MAP2K4: variants seen among roughly 807,000 people sequenced by gnomAD.
The protein encoded by MAP2K4 is dual specificity mitogen-activated protein kinase kinase 4.
In MAP2K4, 4 loss-of-function variants were observed where a neutral mutation model predicts 48.5. The observed-to-expected ratio is 0.08, with a 90% CI of 0.04 to 0.19. MAP2K4 has a LOEUF of 0.19. Ranked by LOEUF, MAP2K4 falls within the 10% of genes least tolerant of loss-of-function variation. The probability of loss-of-function intolerance (pLI) is 1.00; values close to 1 mark genes in which losing one functional copy is unlikely to be tolerated. For synonymous variants in MAP2K4, 166 were observed against 173.1 expected (o/e 0.96, Z 0.32); for missense variants, 258 against 493.3 (o/e 0.52, Z 4.52).
chr17:12,096,608 G>T (rs1486433589), intron 4 of MAP2K4, among the ~76,000 whole-genome samples: 1 of 152,134 alleles, frequency 6.6e-6, no homozygotes, highest in Non-Finnish European at 1.5e-5. Context: ...GTTATAAACT[G>T]GTAAGAAAAA....
chr17:12,060,228 G>A (rs1970405168), intron 2 of MAP2K4, among the ~76,000 whole-genome samples: 1 of 151,912 alleles, frequency 6.6e-6, no homozygotes, highest in African/African-American at 2.4e-5. Flanking sequence ...TTAGGAGTCT[G>A]GATTTCTATC....
At chr17:12,041,659 A>G (rs1474826724) in intron 1 of MAP2K4, among the ~76,000 whole-genome samples, 1 of 152,238 alleles carries the variant, frequency 6.6e-6, no homozygotes, top group Non-Finnish European at 1.5e-5. Flanking sequence ...TAATGAGGAA[A>G]AAAAAGAAAC....
rs1406688413 is a variant in MAP2K4 at position 12,103,668 on chromosome 17, G to T, written c.514-4122G>T. On this transcript the variant is annotated intron_variant, in intron 4 of 10. Transcript: ENST00000353533. ...CTACCCTGAGTGTTTCCTTTAACTT[G>T]TTTGTTTAGGTCATCCATATGTGCA... Among the ~76,000 whole-genome samples, 3 of 151,780 alleles carry T rather than the reference G, an allele frequency of 2.0e-5. No individual in the cohort carries two copies. The East Asian group carries it at 5.8e-4, about 29-fold the overall frequency.
chr17:12,115,634 G>T, intron 7 of MAP2K4: 1 of 747,328 alleles, frequency 1.3e-6, no homozygotes, highest in Admixed American at 1.8e-5. Context: ...AGCACAATTG[G>T]TGGTTAACGC....
At chr17:12,026,420 C>A (rs777076969) in intron 1 of MAP2K4, among the ~76,000 whole-genome samples, 1 of 152,034 alleles carries the variant, frequency 6.6e-6, no homozygotes, top group Non-Finnish European at 1.5e-5. Flanking sequence ...GCAGATGGCT[C>A]CAATGATACA....
intron 4 of MAP2K4, among the ~76,000 whole-genome samples, chr17:12,101,982 G>C (rs1258403305): frequency 6.6e-6 from 1 of 151,696 alleles, no homozygotes; most frequent in African/African-American, 2.4e-5. Flanking sequence ...TTCCCAATTA[G>C]TTCCTTTATT....
intron 1 of MAP2K4, among the ~76,000 whole-genome samples, chr17:12,047,206 G>A (rs530752464): frequency 6.6e-6 from 1 of 152,016 alleles, no homozygotes; most frequent in African/African-American, 2.4e-5. Flanking sequence ...GCCCGATCCT[G>A]TCAGATGAGG....
At chr17:12,089,345 G>GC (rs537920136) in intron 3 of MAP2K4, among the ~76,000 whole-genome samples, 2 of 152,182 alleles carry the variant, frequency 1.3e-5, no homozygotes, top group Non-Finnish European at 2.9e-5. Flanking sequence ...AAGAGTAAAT[G>GC]CCTTCTGGTA....
intron 2 of MAP2K4, among the ~76,000 whole-genome samples, chr17:12,057,519 G>A (rs1334318807): frequency 1.3e-5 from 2 of 152,066 alleles, no homozygotes; most frequent in Admixed American, 1.3e-4. Context: ...GCCTCAAATT[G>A]CATCATCTTC....
At chr17:12,053,806 C>T (rs918166038) in intron 1 of MAP2K4, among the ~76,000 whole-genome samples, 3 of 151,944 alleles carry the variant, frequency 2.0e-5, no homozygotes, top group Non-Finnish European at 4.4e-5. Context: ...AGTGTGGCTC[C>T]GTCAGATTTT....
intron 2 of MAP2K4, among the ~76,000 whole-genome samples, chr17:12,058,604 T>C (rs1253432632): frequency 6.6e-6 from 1 of 152,248 alleles, no homozygotes. Flanking sequence ...AATCTGTCTT[T>C]ACTGTCAATC....
chr17:12,142,056 G>A lies in MAP2K4; in HGVS notation c.*796G>A, dbSNP rs1235193997. ...TAAGAATTTTTCATTCTCAGAATTCGGTGTGCTGCCAACTTGATGTTCCAC... is the reference window on the plus strand; with the variant it reads ...TAAGAATTTTTCATTCTCAGAATTCAGTGTGCTGCCAACTTGATGTTCCAC... On this transcript the variant is annotated 3_prime_UTR_variant, in exon 11 of 11. Coordinates refer to ENST00000353533, the MANE Select transcript of MAP2K4 (RefSeq NM_003010.4). 1 of 233,238 alleles carries A rather than the reference G, an allele frequency of 4.3e-6. No individual in the cohort carries two copies. Among genetic ancestry groups the A allele is most frequent in the East Asian group, 6.0e-5 (1 of 16,544 alleles). 14.4% of individuals were successfully genotyped at this position (233,238 alleles called of 1,614,324 possible). A position where few individuals can be genotyped will look rare whatever the true frequency, so the allele number is the denominator to read the frequency against.
intron 3 of MAP2K4, among the ~76,000 whole-genome samples, chr17:12,087,363 G>A (rs529069383): frequency 1.3e-5 from 2 of 152,204 alleles, no homozygotes; most frequent in South Asian, 4.1e-4. Context: ...AAAAATTTCA[G>A]TGCTAAGATT....
chr17:12,052,909 T>C (rs1970185067), intron 1 of MAP2K4, among the ~76,000 whole-genome samples: 1 of 152,072 alleles, frequency 6.6e-6, no homozygotes, highest in Non-Finnish European at 1.5e-5. Context: ...ATTCATATCC[T>C]TCCCATGTGC....
intron 2 of MAP2K4, chr17:12,069,933 ATATATATATATATATATATG>A (rs1567643733): frequency 2.1e-5 from 2 of 94,924 alleles, no homozygotes; most frequent in African/African-American, 5.1e-5. Context: ...ATATATATAT[ATATATATATATATATATATG>A]CATGCTGAGG....
At chr17:12,118,141 T>C (rs1972561885) in intron 7 of MAP2K4, among the ~76,000 whole-genome samples, 1 of 152,198 alleles carries the variant, frequency 6.6e-6, no homozygotes, top group Non-Finnish European at 1.5e-5. Context: ...CTGCTGATCA[T>C]GAAGCAGTGG....
At chr17:12,070,913 C>T (rs972899029) in intron 2 of MAP2K4, among the ~76,000 whole-genome samples, 2 of 152,206 alleles carry the variant, frequency 1.3e-5, no homozygotes, top group Non-Finnish European at 2.9e-5. Flanking sequence ...GAAATTTATT[C>T]TCTCACAGTT....
At chr17:12,117,432 C>T (rs963513928) in intron 7 of MAP2K4, among the ~76,000 whole-genome samples, 1 of 152,012 alleles carries the variant, frequency 6.6e-6, no homozygotes, top group Admixed American at 6.6e-5. Context: ...ACCCTTGTGG[C>T]CCCCTTTAGC....
At chr17:12,121,546 G>A (rs940804849) in intron 7 of MAP2K4, among the ~76,000 whole-genome samples, 1 of 140,704 alleles carries the variant, frequency 7.1e-6, no homozygotes, top group Non-Finnish European at 1.5e-5. Context: ...CTGCACTCCA[G>A]CCTGGGTGAC....
Sources: allele counts gnomAD v4.1 joint callset (sites outside exome capture counted in the v4.1 genomes callset), GRCh38; gene constraint gnomAD v4.1.1; transcripts MANE v1.5; gene names NCBI Gene and HGNC (gene_info 2026-07-23, HGNC 2026-07-21).